INSC: variants seen among roughly 807,000 people sequenced by gnomAD.
INSC encodes the protein protein inscuteable homolog.
A neutral mutation model predicts 58.6 loss-of-function variants in INSC; 67 were observed. That is an observed-to-expected ratio of 1.14 (90% confidence interval 0.94 to 1.40). INSC has a LOEUF of 1.40. Ranked by LOEUF, INSC falls within the 40% of genes most tolerant of loss-of-function variation. The probability of loss-of-function intolerance (pLI) is 0.00; values close to 1 mark genes in which losing one functional copy is unlikely to be tolerated. For missense variants in INSC, 714 were observed against 692.0 expected (o/e 1.03, Z -0.36); for synonymous variants, 262 against 276.1 (o/e 0.95, Z 0.51).
At chr11:15,171,046 C>T (rs530237588) in intron 2 of INSC, among the ~76,000 whole-genome samples, 3 of 152,170 alleles carry the variant, frequency 2.0e-5, no homozygotes, top group Admixed American at 6.5e-5. Context: ...AAGTATATAC[C>T]TCCTGTGTGC....
At chr11:15,134,294 A>G (rs1242870773) in intron 1 of INSC, among the ~76,000 whole-genome samples, 1 of 152,208 alleles carries the variant, frequency 6.6e-6, no homozygotes, top group Non-Finnish European at 1.5e-5. Flanking sequence ...CGATGACACA[A>G]TGCCAAGATG....
chr11:15,134,595 C>T (rs1848199238), intron 1 of INSC, among the ~76,000 whole-genome samples: 1 of 152,180 alleles, frequency 6.6e-6, no homozygotes, highest in Non-Finnish European at 1.5e-5. Context: ...AAATATTCCA[C>T]CATCTCCTCC....
chr11:15,224,052 C>G (rs1658576494), intron 8 of INSC, among the ~76,000 whole-genome samples: 1 of 152,150 alleles, frequency 6.6e-6, no homozygotes, highest in South Asian at 2.1e-4. Flanking sequence ...TGATTCTAGC[C>G]TCAAACAGTT....
chr11:15,164,229 A>G lies in INSC; in HGVS notation c.57-11512A>G, dbSNP rs80046967. The stretch of plus-strand genomic sequence containing the variant: ...TAACTATATATGGGATGAGACTACA[A>G]TAACTTTCTGTTGCTCACTTTTAAG... On this transcript the variant is annotated intron_variant, in intron 2 of 12. Transcript: ENST00000379556. Among the ~76,000 whole-genome samples, 358 of 152,332 alleles carry G rather than the reference A, an allele frequency of 2.4e-3. 12 individuals carry two copies. The East Asian group carries it at 0.058, about 24-fold the overall frequency.
Position 15,190,797 on chromosome 11 carries a change from T to C in INSC, c.676T>C (p.Cys226Arg), listed in dbSNP as rs1379316525. The C allele has an allele frequency of 6.2e-7, 1 of 1,613,080 alleles. No homozygotes were observed. Among genetic ancestry groups the C allele is most frequent in the Admixed American group, 1.7e-5 (1 of 60,018 alleles). The change falls in exon 6 of 13, where the codon TGC (cysteine) becomes CGC (arginine). Residue 226 changes from cysteine (C) to arginine (R), a missense_variant. Physicochemically the swap from Cys to Arg is radical, Grantham distance 180. Transcript: ENST00000379556. ...FSLTQEGAPL[C>R]RIIAKEGGVV... Reference sequence around the variant, plus strand: ...CCTGACCCAGGAGGGGGCTCCCTTGTGCCGCATCATAGCCAAGGTGAGCTT... The same window carrying C: ...CCTGACCCAGGAGGGGGCTCCCTTGCGCCGCATCATAGCCAAGGTGAGCTT...
intron 9 of INSC, among the ~76,000 whole-genome samples, chr11:15,230,886 A>T (rs1619444): frequency 0.71 from 107,444 of 152,022 alleles, 38,499 homozygotes; most frequent in East Asian, 0.97. Context: ...ATCTTAGCCC[A>T]CCAGTCTTGC....
chr11:15,160,233 C>T (rs1214862561), intron 2 of INSC, among the ~76,000 whole-genome samples: 1 of 152,154 alleles, frequency 6.6e-6, no homozygotes, highest in African/African-American at 2.4e-5. Flanking sequence ...AGGACTCCTT[C>T]AGAAGAGAGA....
chr11:15,230,023 TATA>T lies in INSC; in HGVS notation c.1170+4196_1170+4198del, dbSNP rs1181092991. On this transcript the variant is annotated intron_variant, in intron 9 of 12. Transcript: ENST00000379556. ...TATATATATATATATAATATATATA[TATA>T]TATATATATATATAAAAGCCAGGCA... Among the ~76,000 whole-genome samples the T allele has an allele frequency of 2.9e-4, 16 of 55,260 alleles. 4 individuals are homozygous for T. In the Admixed American group the frequency reaches 4.2e-3, roughly 15 times the overall value. 36.3% of individuals were successfully genotyped at this position (55,260 alleles called of 152,430 possible).
chr11:15,264,268 T>G, the INSC span, among the ~76,000 whole-genome samples: 1 of 140,982 alleles, frequency 7.1e-6, no homozygotes, highest in African/African-American at 2.7e-5. Context: ...ATTCTTCTCA[T>G]GCTTGGAATC....
intron 2 of INSC, among the ~76,000 whole-genome samples, chr11:15,159,823 C>A (rs918902145): frequency 6.6e-6 from 1 of 152,190 alleles, no homozygotes; most frequent in Non-Finnish European, 1.5e-5. Flanking sequence ...ACATGTGAAT[C>A]AATCCACATG....
At chr11:15,129,498 A>G (rs1410034924) in intron 1 of INSC, among the ~76,000 whole-genome samples, 1 of 152,210 alleles carries the variant, frequency 6.6e-6, no homozygotes, top group African/African-American at 2.4e-5. Context: ...TCCCTATCAT[A>G]TATATGGTAT....
intron 9 of INSC, chr11:15,235,288 G>A (rs996734139): frequency 7.6e-6 from 3 of 392,614 alleles, no homozygotes; most frequent in Admixed American, 7.1e-5. Context: ...TTCAGGACTG[G>A]GGACCAGAGC....
the INSC span, among the ~76,000 whole-genome samples, chr11:15,252,351 A>T: frequency 6.6e-6 from 1 of 152,230 alleles, no homozygotes; most frequent in Non-Finnish European, 1.5e-5. Flanking sequence ...CTTTAAAAGG[A>T]TGAATTTATG....
chr11:15,116,261 C>A (rs1345040247), intron 1 of INSC, among the ~76,000 whole-genome samples: 1 of 152,218 alleles, frequency 6.6e-6, no homozygotes, highest in African/African-American at 2.4e-5. Flanking sequence ...AGTTTATACT[C>A]TGGATTACAC....
intron 1 of INSC, among the ~76,000 whole-genome samples, chr11:15,117,327 C>A (rs1847755610): frequency 6.6e-6 from 1 of 152,116 alleles, no homozygotes; most frequent in Admixed American, 6.5e-5. Flanking sequence ...TGCAGGAGAG[C>A]AAGTTGGGTT....
intron 6 of INSC, among the ~76,000 whole-genome samples, chr11:15,196,627 G>A (rs1287117301): frequency 1.3e-5 from 2 of 152,180 alleles, no homozygotes; most frequent in African/African-American, 4.8e-5. Flanking sequence ...GGGCAAATGG[G>A]AGAATATGAG....
rs138905912 is a variant in INSC, at chr11:15,246,514, CAT to C, written c.*478_*479del. 0.13 allele frequency: 19,711 copies of C among 152,680 alleles called. 1,414 individuals carry two copies. The highest frequency in any genetic ancestry group is 0.17 in the Middle Eastern group (51 of 294). The allele number at this position is 152,680 out of a possible 1,614,324, so 9.5% of individuals were successfully genotyped here. A position where few individuals can be genotyped will look rare whatever the true frequency, so the allele number is the denominator to read the frequency against. On this transcript the variant is annotated 3_prime_UTR_variant, in exon 13 of 13. Coordinates refer to ENST00000379556, the MANE Select transcript of INSC (RefSeq NM_001042536.3). ...TTTCTTTTTCTTTAATAAATGGAAT[CAT>C]ATAAAATGTATCCCGGATTTTCTTA...
the INSC span, among the ~76,000 whole-genome samples, chr11:15,262,804 C>T: frequency 8.6e-5 from 13 of 151,746 alleles, no homozygotes; most frequent in African/African-American, 2.4e-5. Flanking sequence ...AGACAAAGCT[C>T]AAAGACATAG....
At chr11:15,262,655 AACAC>A in the INSC span, among the ~76,000 whole-genome samples, 24 of 146,778 alleles carry the variant, frequency 1.6e-4, no homozygotes, top group South Asian at 1.1e-3. Context: ...CTGGGTGATA[AACAC>A]ACACACACAC....
Sources: gnomAD v4.1 joint callset for allele counts (sites outside exome capture counted in the v4.1 genomes callset) on GRCh38, gnomAD v4.1.1 for gene constraint, MANE v1.5 for transcripts, NCBI Gene and HGNC (gene_info 2026-07-23, HGNC 2026-07-21) for gene names.